The following STARD13 variants were observed in gnomAD, a reference collection of about 807,000 sequenced individuals.
The protein encoded by STARD13 is StAR related lipid transfer domain containing 13.
STARD13 carries 62 observed loss-of-function variants against 106.4 expected under a neutral mutation model. The ratio of observed to expected loss-of-function variants is 0.58; its 90% CI spans 0.48 to 0.72. The LOEUF (loss-of-function observed/expected upper bound fraction) is 0.72. Ranked by LOEUF, STARD13 falls within the 30% of genes least tolerant of loss-of-function variation. The pLI, the probability that STARD13 is intolerant of heterozygous loss-of-function variation, is 0.00. For missense variants in STARD13, 1,387 were observed against 1,424.0 expected, an observed-to-expected ratio of 0.97 and a Z score of 0.42; for synonymous variants, 565 against 553.0, an observed-to-expected ratio of 1.02 and a Z score of -0.31.
the STARD13 span, among the ~76,000 whole-genome samples, chr13:33,654,264 A>G: frequency 2.0e-5 from 3 of 152,268 alleles, no homozygotes; most frequent in African/African-American, 7.2e-5. Context: ...ATTGACAAAT[A>G]GAATTAAAGT....
the STARD13 span, among the ~76,000 whole-genome samples, chr13:33,380,863 T>A: frequency 6.6e-6 from 1 of 151,910 alleles, no homozygotes; most frequent in African/African-American, 2.4e-5. Context: ...AAGGAGAAGG[T>A]CAGTGTGTCT....
the STARD13 span, among the ~76,000 whole-genome samples, chr13:33,635,228 G>A: frequency 1.3e-5 from 2 of 151,658 alleles, no homozygotes; most frequent in African/African-American, 4.9e-5. Flanking sequence ...CAGCAGAGCA[G>A]GGCACTGACC....
the STARD13 span, among the ~76,000 whole-genome samples, chr13:33,443,962 A>AAG: frequency 6.6e-6 from 1 of 152,026 alleles, no homozygotes; most frequent in Non-Finnish European, 1.5e-5. Context: ...AATTTTAGAA[A>AAG]ACTGCTCCTA....
chr13:33,243,136 A>T (rs908908538), intron 1 of STARD13, among the ~76,000 whole-genome samples: 1 of 152,206 alleles, frequency 6.6e-6, no homozygotes, highest in Non-Finnish European at 1.5e-5. Flanking sequence ...CCCACTCCAT[A>T]GCACAGTGCA....
chr13:33,517,202 C>T, the STARD13 span, among the ~76,000 whole-genome samples: 1 of 152,006 alleles, frequency 6.6e-6, no homozygotes, highest in Non-Finnish European at 1.5e-5. Context: ...GTTCCCCCCA[C>T]CCTATTCAAG....
intron 1 of STARD13, among the ~76,000 whole-genome samples, chr13:33,213,556 G>A (rs79999392): frequency 0.012 from 1,761 of 152,284 alleles, 14 homozygotes; most frequent in Non-Finnish European, 0.019. Flanking sequence ...GCTCTCTCGA[G>A]GTAGAGAAAG....
the STARD13 span, among the ~76,000 whole-genome samples, chr13:33,357,544 G>C: frequency 5.9e-5 from 9 of 152,176 alleles, no homozygotes; most frequent in Non-Finnish European, 1.0e-4. Flanking sequence ...AGCACATGAG[G>C]TCAGCAGCTA....
the STARD13 span, among the ~76,000 whole-genome samples, chr13:33,499,950 C>T: frequency 0.014 from 2,084 of 151,584 alleles, 46 homozygotes; most frequent in Non-Finnish European, 0.014. Flanking sequence ...TGTTGTTGTT[C>T]GCTGTGCTGC....
chr13:33,154,560 A>G (rs1312464583), intron 3 of STARD13, among the ~76,000 whole-genome samples: 1 of 152,254 alleles, frequency 6.6e-6, no homozygotes, highest in African/African-American at 2.4e-5. Context: ...AAGGAAGAAC[A>G]TAGGCTCTCT....
At chr13:33,468,665 T>C in the STARD13 span, among the ~76,000 whole-genome samples, 1 of 149,696 alleles carries the variant, frequency 6.7e-6, no homozygotes, top group Non-Finnish European at 1.5e-5. Flanking sequence ...CAGATGCTAA[T>C]GTCTTGATCT....
chr13:33,431,958 G>A, the STARD13 span, among the ~76,000 whole-genome samples: 8 of 152,322 alleles, frequency 5.3e-5, no homozygotes, highest in South Asian at 1.2e-3. Context: ...TCAAGGGAAA[G>A]TTCAGCGGAG....
chr13:33,180,001 G>A (rs1885070630), intron 1 of STARD13, among the ~76,000 whole-genome samples: 1 of 152,160 alleles, frequency 6.6e-6, no homozygotes, highest in African/African-American at 2.4e-5. Flanking sequence ...GGGGTCACAT[G>A]GCACCCATCA....
At chr13:33,638,136 C>T in the STARD13 span, among the ~76,000 whole-genome samples, 14 of 152,302 alleles carry the variant, frequency 9.2e-5, no homozygotes, top group African/African-American at 3.1e-4. Flanking sequence ...TGACAGAGCC[C>T]TGGCTCTCCT....
At chr13:33,256,175 G>A (rs1890354254) in intron 1 of STARD13, among the ~76,000 whole-genome samples, 1 of 152,190 alleles carries the variant, frequency 6.6e-6, no homozygotes, top group Non-Finnish European at 1.5e-5. Flanking sequence ...CCTTGAACCT[G>A]TCACCAGCCC....
At chr13:33,270,110 C>A (rs1891086209) in intron 1 of STARD13, among the ~76,000 whole-genome samples, 1 of 152,112 alleles carries the variant, frequency 6.6e-6, no homozygotes, top group African/African-American at 2.4e-5. Flanking sequence ...GTGGCAGGTG[C>A]CTGTAATCCC....
chr13:33,530,287 A>T, the STARD13 span, among the ~76,000 whole-genome samples: 2 of 152,262 alleles, frequency 1.3e-5, no homozygotes, highest in African/African-American at 4.8e-5. Context: ...TCCCCGAGCC[A>T]AACCCCTCCA....
chr13:33,650,131 T>A, the STARD13 span, among the ~76,000 whole-genome samples: 1 of 145,078 alleles, frequency 6.9e-6, no homozygotes, highest in South Asian at 2.2e-4. Context: ...GTGGAGCCTA[T>A]TTGGTCCCAC....
the STARD13 span, among the ~76,000 whole-genome samples, chr13:33,375,892 C>T: frequency 6.6e-6 from 1 of 152,118 alleles, no homozygotes; most frequent in African/African-American, 2.4e-5. Context: ...AGTAATATGA[C>T]TGGTTTTGAC....
chr13:33,414,046 AAAAAG>A, the STARD13 span, among the ~76,000 whole-genome samples: 3 of 151,486 alleles, frequency 2.0e-5, no homozygotes, highest in South Asian at 6.3e-4. Flanking sequence ...AAAAAAAAAA[AAAAAG>A]AAAAGAAAAA....
Sources: allele counts gnomAD v4.1 joint callset (sites outside exome capture counted in the v4.1 genomes callset), GRCh38; gene constraint gnomAD v4.1.1; transcripts MANE v1.5; gene names NCBI Gene and HGNC (gene_info 2026-07-23, HGNC 2026-07-21).